ZNG1B: variants seen among roughly 807,000 people sequenced by gnomAD.
ZNG1B encodes Zn regulated GTPase metalloprotein activator 1B, also known as zinc-regulated GTPase metalloprotein activator 1B.
chr2:113,487,852 G>A, the ZNG1B span, among the ~76,000 whole-genome samples: 1 of 151,382 alleles, frequency 6.6e-6, no homozygotes, highest in African/African-American at 2.4e-5. Flanking sequence ...ACATTTGCAA[G>A]TTCAATTTGA....
chr2:113,462,462 A>G, the ZNG1B span: 2 of 1,598,898 alleles, frequency 1.3e-6, no homozygotes, highest in African/African-American at 2.7e-5. Context: ...TGGTTCCAGA[A>G]GAAGATGTAA....
At chr2:113,441,287 A>G in the ZNG1B span, 7 of 1,254,218 alleles carry the variant, frequency 5.6e-6, no homozygotes, top group Non-Finnish European at 7.7e-6. Context: ...AGGATTCTTT[A>G]TATGTTTTTT....
chr2:113,456,488 A>T, the ZNG1B span, among the ~76,000 whole-genome samples: 2 of 151,756 alleles, frequency 1.3e-5, no homozygotes, highest in Admixed American at 6.6e-5. Flanking sequence ...TGAAAATGCC[A>T]TGCTAAAAGT....
the ZNG1B span, among the ~76,000 whole-genome samples, chr2:113,464,859 A>T: frequency 4.2e-4 from 64 of 152,200 alleles, no homozygotes; most frequent in African/African-American, 1.5e-3. Flanking sequence ...TTTATTAACC[A>T]CAAAGTAGCC....
chr2:113,475,773 T>A, the ZNG1B span, among the ~76,000 whole-genome samples: 601 of 152,252 alleles, frequency 3.9e-3, 1 homozygote, highest in African/African-American at 0.014. Context: ...GGATATGAAA[T>A]TCTGGGTCGA....
chr2:113,468,091 G>A, the ZNG1B span, among the ~76,000 whole-genome samples: 5 of 151,790 alleles, frequency 3.3e-5, no homozygotes, highest in Admixed American at 1.3e-4. Context: ...GGTGGAAGCA[G>A]GTTTGGAAAA....
the ZNG1B span, among the ~76,000 whole-genome samples, chr2:113,442,785 A>G: frequency 1.3e-5 from 2 of 152,196 alleles, no homozygotes; most frequent in Non-Finnish European, 2.9e-5. Flanking sequence ...GTGTAAAACT[A>G]CTCGATTTTA....
chr2:113,481,393 A>ACC, the ZNG1B span: 11 of 151,434 alleles, frequency 7.3e-5, no homozygotes, highest in East Asian at 2.1e-3. Context: ...CCCTACTAGG[A>ACC]CCCCCCAAAG....
chr2:113,468,743 T>G, the ZNG1B span: 3 of 151,586 alleles, frequency 2.0e-5, no homozygotes, highest in African/African-American at 7.3e-5. Context: ...AGTGAAGAAT[T>G]TCTTTTTCAT....
the ZNG1B span, among the ~76,000 whole-genome samples, chr2:113,485,716 A>G: frequency 1.3e-5 from 2 of 151,144 alleles, no homozygotes; most frequent in African/African-American, 4.9e-5. Context: ...TAGAGTGTGA[A>G]GGTACAGATT....
At chr2:113,462,409 C>G in the ZNG1B span, 53 of 1,598,522 alleles carry the variant, frequency 3.3e-5, no homozygotes, top group Non-Finnish European at 4.4e-5. Context: ...CTATTTTAGG[C>G]AAGTTGCTTT....
the ZNG1B span, among the ~76,000 whole-genome samples, chr2:113,477,752 G>T: frequency 1.3e-5 from 2 of 152,194 alleles, no homozygotes; most frequent in African/African-American, 2.4e-5. Flanking sequence ...ATGAGGATGT[G>T]CAGCAGATCT....
the ZNG1B span, among the ~76,000 whole-genome samples, chr2:113,477,175 G>A: frequency 5.9e-5 from 9 of 152,174 alleles, no homozygotes; most frequent in Admixed American, 5.2e-4. Flanking sequence ...GCGAGACTCC[G>A]TGGGCGTGGG....
the ZNG1B span, chr2:113,445,193 A>G: frequency 5.5e-6 from 6 of 1,092,682 alleles, no homozygotes; most frequent in South Asian, 1.0e-4. Context: ...TAAAAGAGGA[A>G]AAGTACTCGG....
At chr2:113,472,551 G>C in the ZNG1B span, among the ~76,000 whole-genome samples, 1 of 151,920 alleles carries the variant, frequency 6.6e-6, no homozygotes, top group Admixed American at 6.6e-5. Flanking sequence ...TAGACATGAA[G>C]TCCTTGCCCA....
the ZNG1B span, among the ~76,000 whole-genome samples, chr2:113,490,315 A>G: frequency 1.8e-3 from 275 of 152,284 alleles, no homozygotes; most frequent in African/African-American, 6.2e-3. Context: ...CTGAATGACA[A>G]TAGTGACACA....
the ZNG1B span, among the ~76,000 whole-genome samples, chr2:113,488,020 C>T: frequency 6.6e-6 from 1 of 152,056 alleles, no homozygotes; most frequent in African/African-American, 2.4e-5. Context: ...ACAACTGACA[C>T]TCTCTGGAAA....
chr2:113,448,686 C>T, the ZNG1B span, among the ~76,000 whole-genome samples: 7 of 152,076 alleles, frequency 4.6e-5, no homozygotes, highest in African/African-American at 7.2e-5. Flanking sequence ...GGGCAGATAA[C>T]GAGTTCAGGA....
the ZNG1B span, chr2:113,453,331 C>T: frequency 3.1e-6 from 4 of 1,309,272 alleles, no homozygotes; most frequent in South Asian, 5.4e-5. Context: ...CGGCTCACTG[C>T]AACCTTTACC....
Sources: gnomAD v4.1 joint callset for allele counts (sites outside exome capture counted in the v4.1 genomes callset) on GRCh38, gnomAD v4.1.1 for gene constraint, MANE v1.5 for transcripts, NCBI Gene and HGNC (gene_info 2026-07-23, HGNC 2026-07-21) for gene names.